MOB4: variants seen among roughly 807,000 people sequenced by gnomAD.
The protein encoded by MOB4 is MOB family member 4, phocein, also known as MOB-like protein phocein.
In MOB4, 4 loss-of-function variants were observed where a neutral mutation model predicts 32.2. The observed-to-expected ratio is 0.12, with a 90% CI of 0.06 to 0.28. The LOEUF is 0.28. Among genes scored for constraint, MOB4 ranks in the 10% least tolerant of loss-of-function variants. The pLI, the probability that MOB4 is intolerant of heterozygous loss-of-function variation, is 1.00. For synonymous variants in MOB4, 88 were observed against 88.1 expected (o/e 1.00, Z 0.01); for missense variants, 158 against 271.2 (o/e 0.58, Z 2.93).
chr2:197,542,714 T>C (rs946043832), intron 5 of MOB4, among the ~76,000 whole-genome samples: 4 of 152,206 alleles, frequency 2.6e-5, no homozygotes, highest in Non-Finnish European at 5.9e-5. Flanking sequence ...TGGAAAAATA[T>C]AATACATAAA....
chr2:197,533,584 G>A (rs2086744019), intron 2 of MOB4, among the ~76,000 whole-genome samples: 1 of 151,904 alleles, frequency 6.6e-6, no homozygotes, highest in Non-Finnish European at 1.5e-5. Context: ...AATTAGCCGG[G>A]CGTGATGGCA....
intron 2 of MOB4, among the ~76,000 whole-genome samples, chr2:197,529,488 A>T (rs938881174): frequency 4.0e-5 from 6 of 151,700 alleles, no homozygotes; most frequent in Non-Finnish European, 8.8e-5. Flanking sequence ...AGTAGCTGGG[A>T]CTACAGGTGC....
chr2:197,537,125 TC>T (rs2086813525), intron 3 of MOB4, among the ~76,000 whole-genome samples: 1 of 152,194 alleles, frequency 6.6e-6, no homozygotes, highest in Non-Finnish European at 1.5e-5. Flanking sequence ...ATTGCAAACT[TC>T]CAGTCTTCTC....
At chr2:197,516,491 C>T (rs1417125828) in intron 1 of MOB4, 15 of 904,236 alleles carry the variant, frequency 1.7e-5, no homozygotes, top group Non-Finnish European at 2.3e-5. Context: ...GGGGCGCGAC[C>T]AGCCTGGTGG....
intron 1 of MOB4, among the ~76,000 whole-genome samples, chr2:197,521,547 A>G (rs987677829): frequency 2.6e-4 from 39 of 152,170 alleles, no homozygotes; most frequent in Non-Finnish European, 4.1e-4. Context: ...TCCTCTTCCT[A>G]ATAAGCCTGG....
chr2:197,531,880 T>C (rs2086712144), intron 2 of MOB4, among the ~76,000 whole-genome samples: 1 of 152,090 alleles, frequency 6.6e-6, no homozygotes, highest in Non-Finnish European at 1.5e-5. Context: ...GTTGCTTTTA[T>C]TGCATAAAAG....
At chr2:197,540,872 T>G (rs1468503768) in intron 5 of MOB4, among the ~76,000 whole-genome samples, 1 of 152,054 alleles carries the variant, frequency 6.6e-6, no homozygotes, top group Admixed American at 6.6e-5. Context: ...TTTGTCAAGG[T>G]AAGACTATAG....
chr2:197,530,657 A>C (rs1302443611), intron 2 of MOB4, among the ~76,000 whole-genome samples: 2 of 151,770 alleles, frequency 1.3e-5, no homozygotes, highest in South Asian at 4.2e-4. Flanking sequence ...ACAGGGTCTC[A>C]CTCTGTCATT....
chr2:197,532,951 T>C (rs1213356024), intron 2 of MOB4, among the ~76,000 whole-genome samples: 1 of 151,692 alleles, frequency 6.6e-6, no homozygotes, highest in Admixed American at 6.6e-5. Flanking sequence ...ATACAGAAAT[T>C]AGCTGGGCAT....
intron 5 of MOB4, 31 bp from the exon 6 acceptor site, chr2:197,548,305 T>G: frequency 1.3e-6 from 2 of 1,556,980 alleles, no homozygotes; most frequent in Non-Finnish European, 1.8e-6. Context: ...GAGCTCTTTG[T>G]TGATGCATTT....
At chr2:197,516,029 G>T, upstream of MOB4, 1 of 1,524,302 alleles carries the variant, frequency 6.6e-7, no homozygotes, top group Non-Finnish European at 8.9e-7. Flanking sequence ...CCCGCCCCCC[G>T]CGCAGGCTGC....
At chr2:197,523,934 T>C (rs913418523) in intron 2 of MOB4, among the ~76,000 whole-genome samples, 2 of 152,254 alleles carry the variant, frequency 1.3e-5, no homozygotes, top group South Asian at 2.1e-4. Flanking sequence ...GGAATGCCTA[T>C]TTAAAAGTTT....
At chr2:197,518,503 C>G (rs1440501964) in intron 1 of MOB4, among the ~76,000 whole-genome samples, 1 of 150,370 alleles carries the variant, frequency 6.7e-6, no homozygotes, top group African/African-American at 2.4e-5. Context: ...CTCAGGTGAT[C>G]TGCCCGCCTG....
At chr2:197,546,354 C>T (rs1574654035) in intron 5 of MOB4, among the ~76,000 whole-genome samples, 1 of 151,496 alleles carries the variant, frequency 6.6e-6, no homozygotes, top group East Asian at 2.0e-4. Flanking sequence ...AGCCACTGCG[C>T]CCGGCCTCAC....
chr2:197,550,586 G>T lies in MOB4; in HGVS notation c.618G>T (p.Leu206=). ...MKYNLMSKDN[L]IVPILEEEVQ... ...ACAATTTGATGTCCAAGGATAACCT[G>T]ATTGTACCAATTTTAGAAGAGGAAG... The change falls in exon 8 of 8, where the codon CTG becomes CTT. Residue 206 remains leucine (L), a synonymous_variant. Transcript: ENST00000323303. 6.2e-7 allele frequency: 1 copy of T among 1,608,428 alleles called. No homozygotes were observed. Among genetic ancestry groups the T allele is most frequent in the Non-Finnish European group, 8.5e-7 (1 of 1,178,580 alleles).
At chr2:197,520,633 C>A (rs1030316524) in intron 1 of MOB4, among the ~76,000 whole-genome samples, 11 of 152,042 alleles carry the variant, frequency 7.2e-5, no homozygotes, top group African/African-American at 2.7e-4. Flanking sequence ...TTGTGCTACC[C>A]ACTGAGGTTA....
chr2:197,525,473 C>G (rs760694588), intron 2 of MOB4, among the ~76,000 whole-genome samples: 2 of 152,072 alleles, frequency 1.3e-5, no homozygotes, highest in Non-Finnish European at 2.9e-5. Flanking sequence ...TGGGGGCTCA[C>G]ACCTGTAATC....
chr2:197,530,513 C>G (rs976727537), intron 2 of MOB4, among the ~76,000 whole-genome samples: 5 of 152,090 alleles, frequency 3.3e-5, no homozygotes, highest in Non-Finnish European at 7.3e-5. Flanking sequence ...AGTCCTCCTG[C>G]CTCAGCCTGC....
At chr2:197,534,349 T>C (rs976269879) in intron 2 of MOB4, among the ~76,000 whole-genome samples, 2 of 152,222 alleles carry the variant, frequency 1.3e-5, no homozygotes, top group Non-Finnish European at 2.9e-5. Context: ...AATTTAAATT[T>C]TTATGTTATT....
Sources: gnomAD v4.1 joint callset for allele counts (sites outside exome capture counted in the v4.1 genomes callset) on GRCh38, gnomAD v4.1.1 for gene constraint, MANE v1.5 for transcripts, NCBI Gene and HGNC (gene_info 2026-07-23, HGNC 2026-07-21) for gene names.